Variants in CETP observed in about 807,000 individuals in gnomAD.
The protein encoded by CETP is BPI fold containing family F.
CETP carries 56 observed loss-of-function variants against 66.5 expected under a neutral mutation model. The ratio of observed to expected loss-of-function variants is 0.84; its 90% CI spans 0.68 to 1.05. The LOEUF (loss-of-function observed/expected upper bound fraction) is 1.05. Ranked by LOEUF, CETP falls within the 50% of genes least tolerant of loss-of-function variation. CETP has a pLI of 0.00. For synonymous variants in CETP, 251 were observed against 245.7 expected, an observed-to-expected ratio of 1.02 and a Z score of -0.20; for missense variants, 612 against 609.6, an observed-to-expected ratio of 1.00 and a Z score of -0.04.
intron 2 of CETP, 46 bp downstream of exon 2, chr16:56,963,170 G>A: frequency 6.7e-7 from 1 of 1,484,866 alleles, no homozygotes; most frequent in Non-Finnish European, 9.4e-7. Flanking sequence ...AGGGAGGCGG[G>A]AGGAACAGCC....
At chr16:56,982,865 G>C (rs1192884489) in intron 14 of CETP, among the ~76,000 whole-genome samples, 1 of 152,196 alleles carries the variant, frequency 6.6e-6, no homozygotes, top group Non-Finnish European at 1.5e-5. Context: ...AATGATCCTA[G>C]TGGGGTGTCT....
chr16:56,983,733 C>A lies in CETP; in HGVS notation c.*67C>A. On this transcript the variant is annotated 3_prime_UTR_variant, in exon 16 of 16. Transcript: ENST00000200676. ...AAGCACCAGGCTCACAGCTGGAACC[C>A]TGGTGTCTCCTCCAGCGTGGTGGAA... 1 of 1,436,064 alleles carries A rather than the reference C, an allele frequency of 7.0e-7. No individual in the cohort carries two copies. The highest frequency in any genetic ancestry group is 1.1e-5 in the South Asian group (1 of 87,254). The allele number at this position is 1,436,064 out of a possible 1,614,324, so 89.0% of individuals were successfully genotyped here. A position where few individuals can be genotyped will look rare whatever the true frequency, so the allele number is the denominator to read the frequency against.
intron 12 of CETP, 115 bp from the exon 13 acceptor site, chr16:56,981,532 G>A: frequency 2.4e-6 from 3 of 1,258,706 alleles, no homozygotes; most frequent in Non-Finnish European, 3.5e-6. Flanking sequence ...GTGCCCCAAA[G>A]GGCCTGAGCT....
chr16:56,969,827 T>C, intron 4 of CETP, 87 bp from the exon 5 acceptor site: 1 of 1,551,098 alleles, frequency 6.4e-7, no homozygotes, highest in Non-Finnish European at 8.8e-7. Context: ...ACCCCAGAGC[T>C]GGCCAAGCTC....
intron 13 of CETP, 119 bp from the exon 14 acceptor site, chr16:56,982,046 G>T: frequency 2.1e-6 from 2 of 952,598 alleles, no homozygotes; most frequent in Non-Finnish European, 3.4e-6. Context: ...GGAGTGGGTT[G>T]GATGTATTTT....
intron 15 of CETP, 66 bp from the exon 16 acceptor site, chr16:56,983,526 G>A (rs1447437301): frequency 1.3e-6 from 2 of 1,598,802 alleles, no homozygotes; most frequent in African/African-American, 2.7e-5. Context: ...CTACCAGCTT[G>A]GCTCCCTCCT....
intron 1 of CETP, chr16:56,962,406 G>A: frequency 1.6e-6 from 1 of 629,834 alleles, no homozygotes; most frequent in Non-Finnish European, 3.0e-6. Flanking sequence ...GCCAGGTTAG[G>A]GGGTTGAGTC....
chr16:56,972,708 G>A (rs1198780240), intron 8 of CETP, among the ~76,000 whole-genome samples: 1 of 152,184 alleles, frequency 6.6e-6, no homozygotes, highest in African/African-American at 2.4e-5. Context: ...TAGCTGCAAG[G>A]GAAACTGAGG....
intron 11 of CETP, among the ~76,000 whole-genome samples, chr16:56,979,028 T>C (rs1333580814): frequency 6.6e-6 from 1 of 152,074 alleles, no homozygotes. Context: ...GGTTTCGCTA[T>C]GTGGGCCCAG....
In CETP at chr16:56,963,835, AT is replaced by A. The variant is rs1170378725; in HGVS notation, c.233+716del. On this transcript the variant is annotated intron_variant, in intron 2 of 15. Transcript: ENST00000200676. ...AGGCACACGTCACCACATCCGCGTAATTTTTGTATTTTTAGTAGAGATGGGG... is the reference window on the plus strand; with the variant it reads ...AGGCACACGTCACCACATCCGCGTAATTTTGTATTTTTAGTAGAGATGGGG... Among the ~76,000 whole-genome samples, 3 of 151,650 alleles carry A rather than the reference AT, an allele frequency of 2.0e-5. No homozygotes were observed. The South Asian group carries it at 6.2e-4, about 32-fold the overall frequency.
intron 13 of CETP, 66 bp from the exon 14 acceptor site, chr16:56,982,099 C>A: frequency 7.0e-7 from 1 of 1,429,034 alleles, no homozygotes; most frequent in Non-Finnish European, 9.9e-7. Flanking sequence ...CCAGGCCGTG[C>A]AGCATCTGCC....
chr16:56,980,096 A>G (rs1325183992), intron 11 of CETP, among the ~76,000 whole-genome samples: 2 of 152,226 alleles, frequency 1.3e-5, no homozygotes, highest in African/African-American at 2.4e-5. Context: ...CTACAGTGTC[A>G]TAGCGGAGAG....
At chr16:56,975,654 G>A (rs116578082) in intron 10 of CETP, among the ~76,000 whole-genome samples, 265 of 152,272 alleles carry the variant, frequency 1.7e-3, no homozygotes, top group African/African-American at 6.1e-3. Context: ...TCAGTGCAGG[G>A]TTCCACTAAG....
intron 11 of CETP, 109 bp downstream of exon 11, chr16:56,978,364 T>C (rs1364559613): frequency 2.3e-6 from 3 of 1,312,166 alleles, no homozygotes; most frequent in African/African-American, 2.9e-5. Context: ...TCTCACCACC[T>C]CTGCTGGCAC....
chr16:56,963,136 C>A lies in CETP; in HGVS notation c.233+12C>A. On this transcript the variant is annotated intron_variant, in intron 2 of 15. Transcript: ENST00000200676. ...TATGGGTTGCACAAGTGAGTCGGGC[C>A]TCGGGTGTGACCAGGCTGGGGGTAG... 1 of 1,607,998 alleles carries A rather than the reference C, an allele frequency of 6.2e-7. No individual in the cohort carries two copies. The highest frequency in any genetic ancestry group is 8.5e-7 in the Non-Finnish European group (1 of 1,174,708).
intron 3 of CETP, 32 bp downstream of exon 3, chr16:56,969,552 C>T (rs775955964): frequency 6.2e-7 from 1 of 1,614,226 alleles, no homozygotes; most frequent in Non-Finnish European, 8.5e-7. Flanking sequence ...TGCCCCATGC[C>T]CTGGCCCTCT....
At chr16:56,976,994 C>T (rs567133480) in intron 10 of CETP, among the ~76,000 whole-genome samples, 20 of 152,244 alleles carry the variant, frequency 1.3e-4, no homozygotes, top group Admixed American at 1.0e-3. Context: ...CTGCAACCTA[C>T]GCCTCCTGTG....
chr16:56,969,827 T>G (rs2056096076), intron 4 of CETP, 87 bp from the exon 5 acceptor site: 2 of 1,551,098 alleles, frequency 1.3e-6, no homozygotes, highest in Non-Finnish European at 1.8e-6. Context: ...ACCCCAGAGC[T>G]GGCCAAGCTC....
rs377199104 is a variant in CETP, at chr16:56,979,370, A to G, written c.1146+1115A>G. On this transcript the variant is annotated intron_variant, in intron 11 of 15. Transcript: ENST00000200676. ...TCTCCTCATATGAAGCAAGATAAAT[A>G]CCATACATAGCTTCCTAGACAATGG... Among the ~76,000 whole-genome samples, 15 of 152,344 alleles carry G rather than the reference A, an allele frequency of 9.8e-5. No homozygotes were observed. In the East Asian group the frequency reaches 2.3e-3, roughly 24 times the overall value.
Sources: gnomAD v4.1 joint callset for allele counts (sites outside exome capture counted in the v4.1 genomes callset) on GRCh38, gnomAD v4.1.1 for gene constraint, MANE v1.5 for transcripts, NCBI Gene and HGNC (gene_info 2026-07-23, HGNC 2026-07-21) for gene names.